Variants in SH3GL2 observed in about 807,000 individuals in gnomAD.
SH3GL2 encodes SH3 domain containing GRB2 like 2, endophilin A1.
In SH3GL2, 24 loss-of-function variants were observed where a neutral mutation model predicts 46.0. That is an observed-to-expected ratio of 0.52 (90% CI 0.38 to 0.73). SH3GL2 has a LOEUF of 0.73. SH3GL2 is among the 30% of genes least tolerant of loss of function. SH3GL2 has a pLI of 0.00. For missense variants in SH3GL2, 413 were observed against 424.2 expected, an observed-to-expected ratio of 0.97 and a Z score of 0.23; for synonymous variants, 196 against 147.1, an observed-to-expected ratio of 1.33 and a Z score of -2.40.
intron 1 of SH3GL2, among the ~76,000 whole-genome samples, chr9:17,742,843 G>A (rs1443803213): frequency 6.6e-6 from 1 of 152,126 alleles, no homozygotes; most frequent in Non-Finnish European, 1.5e-5. Flanking sequence ...TTGTTTTTAG[G>A]AGTTGTTTTT....
At chr9:17,791,465 T>G in intron 7 of SH3GL2, 131 bp downstream of exon 7, 1 of 648,708 alleles carries the variant, frequency 1.5e-6, no homozygotes, top group Non-Finnish European at 2.8e-6. Context: ...CAGAGGCGCC[T>G]TGTGGATTGT....
chr9:17,705,056 AAAAC>A (rs1207142889), intron 1 of SH3GL2, among the ~76,000 whole-genome samples: 3 of 152,056 alleles, frequency 2.0e-5, no homozygotes, highest in Non-Finnish European at 4.4e-5. Context: ...CAAACAAAAA[AAAAC>A]CCCATTAAAA....
chr9:17,706,259 C>A (rs928822381), intron 1 of SH3GL2, among the ~76,000 whole-genome samples: 2 of 152,070 alleles, frequency 1.3e-5, no homozygotes, highest in East Asian at 3.9e-4. Context: ...TGTGATCATA[C>A]TTCTTCCTTT....
chr9:17,670,596 T>C lies in SH3GL2; in HGVS notation c.46-76470T>C, dbSNP rs553140464. Among the ~76,000 whole-genome samples, 22 of 152,328 alleles carry C rather than the reference T, an allele frequency of 1.4e-4. 1 individual carries two copies. The highest frequency in any genetic ancestry group is 1.2e-3 in the Admixed American group (19 of 15,302). On this transcript the variant is annotated intron_variant, in intron 1 of 8. Coordinates refer to ENST00000380607, the MANE Select transcript of SH3GL2 (RefSeq NM_003026.5). ...GTCTTTGTCTAATTTATCCTACTTA[T>C]AGGATTGCAGATGGAACAAGTAGCA...
At chr9:17,759,170 C>A (rs557467451) in intron 2 of SH3GL2, among the ~76,000 whole-genome samples, 3 of 152,308 alleles carry the variant, frequency 2.0e-5, no homozygotes, top group African/African-American at 7.2e-5. Context: ...ACTGCAGGTA[C>A]CAGTCTCTGT....
intron 2 of SH3GL2, among the ~76,000 whole-genome samples, chr9:17,759,792 C>G (rs1356938065): frequency 6.6e-6 from 1 of 152,052 alleles, no homozygotes; most frequent in African/African-American, 2.4e-5. Flanking sequence ...TTTTTAGAAA[C>G]CTTGGCTTTT....
At chr9:17,747,305 A>G (rs927153182) in intron 2 of SH3GL2, among the ~76,000 whole-genome samples, 171 bp downstream of exon 2, 1 of 152,224 alleles carries the variant, frequency 6.6e-6, no homozygotes, top group African/African-American at 2.4e-5. Flanking sequence ...AATGTAAAAT[A>G]TTCTGTCTTC....
intron 1 of SH3GL2, among the ~76,000 whole-genome samples, chr9:17,581,912 T>G (rs1314567363): frequency 6.6e-6 from 1 of 152,192 alleles, no homozygotes; most frequent in Non-Finnish European, 1.5e-5. Context: ...TTAACCAGGC[T>G]GGTCTCGAAC....
At chr9:17,580,428 G>A (rs998960694) in intron 1 of SH3GL2, among the ~76,000 whole-genome samples, 5 of 152,146 alleles carry the variant, frequency 3.3e-5, no homozygotes, top group African/African-American at 4.8e-5. Context: ...GGTTAACTTA[G>A]GGTGACAGAT....
chr9:17,774,584 G>A (rs111426971), intron 3 of SH3GL2, among the ~76,000 whole-genome samples: 1 of 151,862 alleles, frequency 6.6e-6, no homozygotes, highest in African/African-American at 2.4e-5. Flanking sequence ...TTAATGTGAG[G>A]TATTAGATGG....
chr9:17,627,328 T>A (rs1435354475), intron 1 of SH3GL2, among the ~76,000 whole-genome samples: 1 of 152,084 alleles, frequency 6.6e-6, no homozygotes, highest in Non-Finnish European at 1.5e-5. Flanking sequence ...AGAGCTAGCT[T>A]GATCGTTGGG....
At chr9:17,789,265 G>A (rs1459414386) in intron 5 of SH3GL2, 127 bp from the exon 6 acceptor site, 8 of 682,650 alleles carry the variant, frequency 1.2e-5, no homozygotes, top group South Asian at 1.0e-4. Context: ...TATTTCTCTG[G>A]TGGCGTTGTA....
In SH3GL2 at chr9:17,796,977, G is replaced by T. The variant is rs1824288201; in HGVS notation, c.*1234G>T. The T allele has an allele frequency of 6.6e-6, 1 of 152,656 alleles. No individual in the cohort carries two copies. Among genetic ancestry groups the T allele is most frequent in the African/African-American group, 2.4e-5 (1 of 41,450 alleles). 9.5% of individuals were successfully genotyped at this position (152,656 alleles called of 1,614,324 possible). A position where few individuals can be genotyped will look rare whatever the true frequency, so the allele number is the denominator to read the frequency against. ...AGAGTTCTATTTATCTAGCTGTACA[G>T]ACTCTTTCAGAGGTTTAACGTGCTG... On this transcript the variant is annotated 3_prime_UTR_variant, in exon 9 of 9. Transcript: ENST00000380607.
At chr9:17,670,529 T>C (rs1451477121) in intron 1 of SH3GL2, among the ~76,000 whole-genome samples, 1 of 152,240 alleles carries the variant, frequency 6.6e-6, no homozygotes, top group African/African-American at 2.4e-5. Context: ...TCAAGTATTT[T>C]CCAAGTTTTT....
chr9:17,619,701 G>A (rs183214405), intron 1 of SH3GL2, among the ~76,000 whole-genome samples: 25 of 151,224 alleles, frequency 1.7e-4, no homozygotes, highest in African/African-American at 6.1e-4. Context: ...AATAAAATAA[G>A]TGAGTGAACC....
intron 1 of SH3GL2, among the ~76,000 whole-genome samples, chr9:17,654,260 C>T (rs1338836546): frequency 6.6e-6 from 1 of 152,186 alleles, no homozygotes; most frequent in African/African-American, 2.4e-5. Flanking sequence ...TGTCTATGCT[C>T]ATGTATCATT....
chr9:17,740,328 T>C (rs891589715), intron 1 of SH3GL2, among the ~76,000 whole-genome samples: 4 of 152,114 alleles, frequency 2.6e-5, no homozygotes, highest in Non-Finnish European at 5.9e-5. Flanking sequence ...CTGCGTAAAG[T>C]GAATCCACCC....
chr9:17,731,830 G>A (rs541091874), intron 1 of SH3GL2, among the ~76,000 whole-genome samples: 1 of 152,212 alleles, frequency 6.6e-6, no homozygotes, highest in Admixed American at 6.5e-5. Flanking sequence ...ATCGGTGCTG[G>A]TCTCTTGGAG....
intron 1 of SH3GL2, among the ~76,000 whole-genome samples, chr9:17,668,772 T>C (rs1014310172): frequency 1.3e-5 from 2 of 152,156 alleles, no homozygotes; most frequent in Non-Finnish European, 2.9e-5. Flanking sequence ...TCCTCCTACC[T>C]CAGCCTCCTG....
Sources: gnomAD v4.1 joint callset for allele counts (sites outside exome capture counted in the v4.1 genomes callset) on GRCh38, gnomAD v4.1.1 for gene constraint, MANE v1.5 for transcripts, NCBI Gene and HGNC (gene_info 2026-07-23, HGNC 2026-07-21) for gene names.